The following PLCG2 variants were observed in gnomAD, a reference collection of about 807,000 sequenced individuals.
PLCG2 encodes 1-phosphatidylinositol 4,5-bisphosphate phosphodiesterase gamma-2.
Under a neutral mutation model 175.6 loss-of-function variants are expected in PLCG2, and 69 were observed. The ratio of observed to expected loss-of-function variants is 0.39; its 90% confidence interval spans 0.32 to 0.48. The LOEUF (loss-of-function observed/expected upper bound fraction) is 0.48, where lower values mean the gene tolerates loss of function less well. Among genes scored for constraint, PLCG2 ranks in the 20% least tolerant of loss-of-function variants. PLCG2 has a pLI of 0.91. For missense variants in PLCG2, 1,798 were observed against 1,650.9 expected (o/e 1.09, Z -1.54); for synonymous variants, 827 against 624.0 (o/e 1.33, Z -4.85).
intron 13 of PLCG2, among the ~76,000 whole-genome samples, chr16:81,897,000 T>C (rs1908921301): frequency 6.6e-6 from 1 of 152,214 alleles, no homozygotes; most frequent in African/African-American, 2.4e-5. Context: ...CAGATACAAA[T>C]GTTTCAGGCT....
intron 2 of PLCG2, among the ~76,000 whole-genome samples, chr16:81,809,102 T>C (rs1904296632): frequency 6.6e-6 from 1 of 152,172 alleles, no homozygotes; most frequent in African/African-American, 2.4e-5. Flanking sequence ...AGGCCTGGTC[T>C]CTCTGAGCAT....
intron 27 of PLCG2, among the ~76,000 whole-genome samples, chr16:81,936,691 A>G (rs1470628805): frequency 1.3e-5 from 2 of 152,236 alleles, no homozygotes; most frequent in Non-Finnish European, 2.9e-5. Context: ...TCTCTTCTCC[A>G]GGCCTGTTGC....
intron 2 of PLCG2, among the ~76,000 whole-genome samples, chr16:81,759,990 G>T (rs1234862530): frequency 6.6e-6 from 1 of 152,212 alleles, no homozygotes; most frequent in African/African-American, 2.4e-5. Context: ...GCCGGGAGTG[G>T]TGGCGGGCGC....
At chr16:81,930,116 C>A (rs569056087) in intron 24 of PLCG2, among the ~76,000 whole-genome samples, 2 of 151,756 alleles carry the variant, frequency 1.3e-5, no homozygotes, top group African/African-American at 4.8e-5. Context: ...TGGGTGGATC[C>A]CTTGAGCCCC....
intron 2 of PLCG2, among the ~76,000 whole-genome samples, chr16:81,807,156 G>A (rs1904284920): frequency 1.3e-5 from 2 of 152,184 alleles, no homozygotes; most frequent in African/African-American, 4.8e-5. Flanking sequence ...GGCTTATCTT[G>A]TTGAACGTGG....
At chr16:81,843,668 T>C (rs998261575) in intron 2 of PLCG2, among the ~76,000 whole-genome samples, 3 of 152,250 alleles carry the variant, frequency 2.0e-5, no homozygotes, top group African/African-American at 7.2e-5. Flanking sequence ...TACAGTAATG[T>C]TTCTGAATTA....
chr16:81,852,603 G>C (rs571270489), intron 2 of PLCG2, among the ~76,000 whole-genome samples: 2 of 152,278 alleles, frequency 1.3e-5, no homozygotes, highest in Admixed American at 1.3e-4. Flanking sequence ...TTTTGACCAG[G>C]AGTAGATGGA....
intron 2 of PLCG2, among the ~76,000 whole-genome samples, chr16:81,847,905 C>T (rs1906207398): frequency 6.6e-6 from 1 of 152,102 alleles, no homozygotes; most frequent in Non-Finnish European, 1.5e-5. Flanking sequence ...ATCCTGGAAC[C>T]GATCCCCAAC....
At chr16:81,860,386 G>A (rs191688843) in intron 5 of PLCG2, among the ~76,000 whole-genome samples, 2 of 152,114 alleles carry the variant, frequency 1.3e-5, no homozygotes, top group African/African-American at 4.8e-5. Flanking sequence ...ACTCATTTGA[G>A]GGAGCTGTGA....
chr16:81,931,249 G>T, intron 24 of PLCG2: 1 of 357,040 alleles, frequency 2.8e-6, no homozygotes. Flanking sequence ...ACCCTATAAG[G>T]TCCCATTCAC....
intron 2 of PLCG2, among the ~76,000 whole-genome samples, chr16:81,796,938 A>T (rs1911496162): frequency 6.6e-6 from 1 of 152,220 alleles, no homozygotes; most frequent in Non-Finnish European, 1.5e-5. Context: ...CAGGGGCCTG[A>T]GGGCAACGGG....
chr16:81,844,292 C>T (rs1266663544), intron 2 of PLCG2, among the ~76,000 whole-genome samples: 1 of 151,378 alleles, frequency 6.6e-6, no homozygotes, highest in Non-Finnish European at 1.5e-5. Flanking sequence ...CGCGCCCGGG[C>T]ACCTTTTCAT....
intron 1 of PLCG2, among the ~76,000 whole-genome samples, chr16:81,754,597 A>T (rs1449018299): frequency 1.3e-5 from 2 of 149,674 alleles, no homozygotes. Context: ...ACAGTTTGTC[A>T]AGGACCTGGT....
rs1312430559 is a variant in PLCG2, at chr16:81,847,215, T to A, written c.194-7229T>A. Among the ~76,000 whole-genome samples the A allele has an allele frequency of 2.0e-5, 3 of 152,192 alleles. No individual in the cohort carries two copies. In the East Asian group the frequency reaches 5.8e-4, roughly 29 times the overall value. On this transcript the variant is annotated intron_variant, in intron 2 of 32. Coordinates refer to ENST00000564138, the MANE Select transcript of PLCG2 (RefSeq NM_002661.5). ...ATGATATTACAAAAGATAAAGATGA[T>A]CAGCCTGATAGAAGAGATGCATAGG...
chr16:81,886,083 A>G (rs568014169), intron 9 of PLCG2, among the ~76,000 whole-genome samples: 1 of 152,336 alleles, frequency 6.6e-6, no homozygotes, highest in Non-Finnish European at 1.5e-5. Context: ...TCAGTTTAGT[A>G]GGGAACGATT....
Position 81,858,342 on chromosome 16 carries a change from C to G in PLCG2, c.417C>G (p.Pro139=). Residue 139 remains proline, a synonymous_variant, in exon 4 of 33, where the codon CCC becomes CCG. Transcript: ENST00000564138. ...LHQEAMNAST[P]TIIESWLRKQ... is the part of the protein sequence containing the mutation. ...AGGAAGCGATGAATGCGTCCACGCC[C>G]ACCATTATCGAGAGGTAGTTGGCTT... 1.2e-6 allele frequency: 2 copies of G among 1,613,160 alleles called. No homozygotes were observed. The highest frequency in any genetic ancestry group is 1.7e-6 in the Non-Finnish European group (2 of 1,179,106).
chr16:81,767,166 A>C (rs1910169510), intron 2 of PLCG2, among the ~76,000 whole-genome samples: 1 of 111,506 alleles, frequency 9.0e-6, no homozygotes, highest in African/African-American at 3.9e-5. Flanking sequence ...TTTTTTTGAG[A>C]CTGAGTCTCG....
At chr16:81,813,260 G>T (rs769841367) in intron 2 of PLCG2, among the ~76,000 whole-genome samples, 9 of 152,188 alleles carry the variant, frequency 5.9e-5, no homozygotes, top group Non-Finnish European at 1.3e-4. Flanking sequence ...ATTACTTTGG[G>T]CAGTATGGCC....
chr16:81,801,975 C>A (rs1911740618), intron 2 of PLCG2, among the ~76,000 whole-genome samples: 2 of 152,000 alleles, frequency 1.3e-5, no homozygotes, highest in African/African-American at 4.8e-5. Context: ...GCCATCACAC[C>A]TGGCCAACAT....
Sources: allele counts gnomAD v4.1 joint callset (sites outside exome capture counted in the v4.1 genomes callset), GRCh38; gene constraint gnomAD v4.1.1; transcripts MANE v1.5; gene names NCBI Gene and HGNC (gene_info 2026-07-23, HGNC 2026-07-21).